Variants in FBN1 observed in about 807,000 individuals in gnomAD.
FBN1 encodes fibrillin-1.
In FBN1, 29 loss-of-function variants were observed where a neutral mutation model predicts 365.1. The observed-to-expected ratio is 0.08, with a 90% CI of 0.06 to 0.11. The LOEUF (loss-of-function observed/expected upper bound fraction) is 0.11, where lower values mean the gene tolerates loss of function less well. FBN1 is among the 10% of genes least tolerant of loss of function. The probability of loss-of-function intolerance (pLI) is 1.00; values close to 1 mark genes in which losing one functional copy is unlikely to be tolerated. For missense variants in FBN1, 2,476 were observed against 3,703.2 expected (o/e 0.67, Z 8.60); for synonymous variants, 1,210 against 1,270.5 (o/e 0.95, Z 1.01).
intron 10 of FBN1, among the ~76,000 whole-genome samples, chr15:48,516,790 CAGA>C (rs1372342674): frequency 1.3e-5 from 2 of 152,152 alleles, no homozygotes; most frequent in African/African-American, 2.4e-5. Context: ...TGACCATTTT[CAGA>C]AGATCATGCT....
intron 6 of FBN1, among the ~76,000 whole-genome samples, chr15:48,546,533 T>C (rs2044094874): frequency 6.6e-6 from 1 of 152,098 alleles, no homozygotes; most frequent in Non-Finnish European, 1.5e-5. Context: ...TGACCAGAGC[T>C]TTGAGTGCAA....
intron 13 of FBN1, 67 bp from the exon 14 acceptor site, chr15:48,510,236 C>A (rs2043747990): frequency 6.6e-7 from 1 of 1,526,344 alleles, no homozygotes; most frequent in Non-Finnish European, 9.0e-7. Flanking sequence ...TTATTTCCCC[C>A]TCCCTCCATT....
At chr15:48,510,728 C>G (rs1001223632) in intron 13 of FBN1, among the ~76,000 whole-genome samples, 6 of 152,050 alleles carry the variant, frequency 3.9e-5, no homozygotes. Flanking sequence ...AGTATTCTAC[C>G]AACCAAATAA....
At position 48,444,558 on chromosome 15, in the gene FBN1, T is replaced by G; in HGVS notation, c.6020A>C (p.Gln2007Pro). The change falls in exon 49 of 66, where the codon CAA becomes CCA. Residue 2007 changes from glutamine to proline, a missense_variant. Gln to Pro is a moderately conservative substitution (Grantham distance 76). Transcript: ENST00000316623. ...RCICPPGYSL[Q>P]NEKCEDIDEC... ...TTTCCTACCTTCACACTTCTCATTT[T>G]GAAGACTGTATCCAGGTGGGCAAAT... The G allele has an allele frequency of 6.2e-7, 1 of 1,613,576 alleles. No individual in the cohort carries two copies. The highest frequency in any genetic ancestry group is 1.1e-5 in the South Asian group (1 of 91,084).
intron 2 of FBN1, among the ~76,000 whole-genome samples, chr15:48,619,671 C>T (rs182124905): frequency 3.3e-4 from 50 of 152,270 alleles, no homozygotes; most frequent in Non-Finnish European, 5.9e-4. Flanking sequence ...GGACTATTCA[C>T]CTTGCCCACA....
chr15:48,514,633 T>C lies in FBN1; in HGVS notation c.1468+754A>G, dbSNP rs184991228. Reference sequence around the variant, plus strand: ...AATGCCTCATCAGCAATTTAAACTTTCTTTCTTCCATTTAAAATAACTAGT... The same window carrying C: ...AATGCCTCATCAGCAATTTAAACTTCCTTTCTTCCATTTAAAATAACTAGT... On this transcript the variant is annotated intron_variant, in intron 12 of 65. Transcript: ENST00000316623. Among the ~76,000 whole-genome samples the C allele has an allele frequency of 1.5e-4, 23 of 152,338 alleles. No homozygotes were observed. In the East Asian group the frequency reaches 4.0e-3, roughly 27 times the overall value.
chr15:48,543,739 T>C (rs931390171), intron 6 of FBN1, among the ~76,000 whole-genome samples: 5 of 152,162 alleles, frequency 3.3e-5, no homozygotes, highest in Non-Finnish European at 7.4e-5. Context: ...AAAACTCAAC[T>C]GGATACTGTT....
chr15:48,528,298 T>A (rs1184216126), intron 8 of FBN1, among the ~76,000 whole-genome samples: 1 of 152,220 alleles, frequency 6.6e-6, no homozygotes, highest in African/African-American at 2.4e-5. Context: ...GGGGGAAACA[T>A]CTTTTCCATG....
intron 46 of FBN1, among the ~76,000 whole-genome samples, chr15:48,447,183 G>A (rs540715961): frequency 9.2e-5 from 14 of 152,110 alleles, no homozygotes; most frequent in Non-Finnish European, 1.8e-4. Flanking sequence ...TGGGTCTTGA[G>A]GTGTTGCCAC....
intron 6 of FBN1, among the ~76,000 whole-genome samples, chr15:48,585,396 T>C (rs575073010): frequency 9.2e-5 from 14 of 152,328 alleles, no homozygotes; most frequent in African/African-American, 3.1e-4. Context: ...GGCAGGAAAG[T>C]TGGAGAACAT....
At chr15:48,484,906 T>C (rs1778604935) in intron 30 of FBN1, among the ~76,000 whole-genome samples, 1 of 152,216 alleles carries the variant, frequency 6.6e-6, no homozygotes, top group South Asian at 2.1e-4. Context: ...AACTTTAGCA[T>C]GCATCCAAAT....
intron 13 of FBN1, 133 bp downstream of exon 13, chr15:48,513,416 T>G: frequency 8.1e-7 from 1 of 1,228,016 alleles, no homozygotes. Context: ...TAGGTGGAAC[T>G]AAGTTCAAAA....
intron 2 of FBN1, among the ~76,000 whole-genome samples, chr15:48,621,444 C>A (rs910634204): frequency 1.3e-5 from 2 of 152,166 alleles, no homozygotes; most frequent in Non-Finnish European, 2.9e-5. Flanking sequence ...TCAATGTAAT[C>A]ATGACAAAAA....
chr15:48,537,742 A>G lies in FBN1; in HGVS notation c.605T>C (p.Ile202Thr), dbSNP rs1300991442. The G allele has an allele frequency of 1.2e-6, 2 of 1,614,082 alleles. No individual in the cohort carries two copies. The highest frequency in any genetic ancestry group is 2.2e-5 in the East Asian group (1 of 44,894). ...NQMCQGQLSG[I>T]VCTKTLCCAT... ...ACAGCAGAGCGTTTTTGTGCAGACAATCCCGCTGAGTTGTCCCTGGCACAT... is the reference window on the plus strand; with the variant it reads ...ACAGCAGAGCGTTTTTGTGCAGACAGTCCCGCTGAGTTGTCCCTGGCACAT... The change falls in exon 7 of 66, where the codon ATT becomes ACT. Residue 202 changes from isoleucine (I) to threonine (T), a missense_variant. Transcript: ENST00000316623.
At position 48,468,487 on chromosome 15, in the gene FBN1, C is replaced by G. The variant is rs2043341376; in HGVS notation, c.4507G>C (p.Val1503Leu). The G allele has an allele frequency of 1.9e-6, 3 of 1,613,974 alleles. No homozygotes were observed. The Admixed American group carries it at 5.0e-5, about 27-fold the overall frequency. Residue 1503 changes from valine to leucine, a missense_variant, in exon 37 of 66, where the codon GTC becomes CTC. Val to Leu is a conservative substitution (Grantham distance 32, BLOSUM62 1). Coordinates refer to ENST00000316623, the MANE Select transcript of FBN1 (RefSeq NM_000138.5). ...CAGATATAGCTGCCTGGAGTGTTGACACAGTTCCCACTGATGCACGTGGTT... is the reference window on the plus strand; with the variant it reads ...CAGATATAGCTGCCTGGAGTGTTGAGACAGTTCCCACTGATGCACGTGGTT... ...DPTTCISGNCVNTPGSYICDC... is the reference protein window; with the variant it reads ...DPTTCISGNCLNTPGSYICDC...
chr15:48,467,175 C>T (rs917044717), intron 38 of FBN1, among the ~76,000 whole-genome samples: 5 of 152,162 alleles, frequency 3.3e-5, no homozygotes, highest in Non-Finnish European at 7.3e-5. Context: ...TGAATTATAG[C>T]GCTTATGTTT....
chr15:48,616,814 G>T (rs569152474), intron 2 of FBN1, among the ~76,000 whole-genome samples: 2 of 152,112 alleles, frequency 1.3e-5, no homozygotes, highest in Non-Finnish European at 2.9e-5. Context: ...ATTCAAAGGG[G>T]AAATAACTTT....
intron 14 of FBN1, 83 bp from the exon 15 acceptor site, chr15:48,508,787 T>C: frequency 6.6e-7 from 1 of 1,509,680 alleles, no homozygotes; most frequent in Non-Finnish European, 9.1e-7. Flanking sequence ...ATAATTCTGT[T>C]TCTTCGTATT....
chr15:48,637,427 T>C (rs547519510), intron 2 of FBN1, among the ~76,000 whole-genome samples: 5 of 152,316 alleles, frequency 3.3e-5, no homozygotes, highest in African/African-American at 1.2e-4. Flanking sequence ...CTCACAAGAT[T>C]GCTCAAGGTT....
Sources: allele counts gnomAD v4.1 joint callset (sites outside exome capture counted in the v4.1 genomes callset), GRCh38; gene constraint gnomAD v4.1.1; transcripts MANE v1.5; gene names NCBI Gene and HGNC (gene_info 2026-07-23, HGNC 2026-07-21).